Variants in SPECC1 observed in about 807,000 individuals in gnomAD.
The protein encoded by SPECC1 is cytospin-B.
In SPECC1, 62 loss-of-function variants were observed where a neutral mutation model predicts 104.1. The observed-to-expected ratio is 0.60, with a 90% CI of 0.49 to 0.74. The LOEUF is 0.74. SPECC1 is among the 30% of genes least tolerant of loss of function. The probability of loss-of-function intolerance (pLI) is 0.00; values close to 1 mark genes in which losing one functional copy is unlikely to be tolerated. For missense variants in SPECC1, 1,306 were observed against 1,310.5 expected, an observed-to-expected ratio of 1.00 and a Z score of 0.05; for synonymous variants, 513 against 501.6, an observed-to-expected ratio of 1.02 and a Z score of -0.30.
At chr17:20,180,974 C>T (rs1343834249) in intron 3 of SPECC1, among the ~76,000 whole-genome samples, 1 of 142,316 alleles carries the variant, frequency 7.0e-6, no homozygotes, top group Non-Finnish European at 1.5e-5. Flanking sequence ...AATAACCTGT[C>T]CTGTCAGTCC....
At chr17:20,209,054 T>C (rs898756346) in intron 4 of SPECC1, among the ~76,000 whole-genome samples, 1 of 152,202 alleles carries the variant, frequency 6.6e-6, no homozygotes, top group African/African-American at 2.4e-5. Flanking sequence ...AGTTTTTTTC[T>C]CCTCTAACTT....
At chr17:20,129,708 C>A (rs1030012074) in intron 3 of SPECC1, among the ~76,000 whole-genome samples, 6 of 150,208 alleles carry the variant, frequency 4.0e-5, no homozygotes, top group African/African-American at 1.2e-4. Context: ...TGTCAAAATT[C>A]TTTGCCTAGA....
chr17:20,028,260 C>G (rs2044675330), intron 1 of SPECC1, among the ~76,000 whole-genome samples: 1 of 119,596 alleles, frequency 8.4e-6, no homozygotes, highest in African/African-American at 3.2e-5. Context: ...GATGGAGGGT[C>G]CAACTTCATT....
At chr17:20,155,770 G>T in intron 3 of SPECC1, 1 of 329,740 alleles carries the variant, frequency 3.0e-6, no homozygotes. Flanking sequence ...CCTACCTTGT[G>T]CAGCTGCGGT....
intron 14 of SPECC1, among the ~76,000 whole-genome samples, chr17:20,313,741 G>A (rs186749884): frequency 6.6e-6 from 1 of 152,326 alleles, no homozygotes; most frequent in Admixed American, 6.5e-5. Context: ...AAAGATAAAA[G>A]CAGTGGGAGG....
chr17:20,021,300 C>T (rs1364176233), intron 1 of SPECC1, among the ~76,000 whole-genome samples: 1 of 152,018 alleles, frequency 6.6e-6, no homozygotes, highest in East Asian at 1.9e-4. Flanking sequence ...TTGTGTGCAT[C>T]TATTTTTAAT....
At chr17:20,311,581 C>T (rs1464113544) in intron 14 of SPECC1, among the ~76,000 whole-genome samples, 2 of 152,006 alleles carry the variant, frequency 1.3e-5, no homozygotes, top group Non-Finnish European at 2.9e-5. Flanking sequence ...TTAGTAGAGA[C>T]GGAGTTTCAA....
intron 4 of SPECC1, among the ~76,000 whole-genome samples, chr17:20,220,949 C>G (rs2151429823): frequency 6.6e-6 from 1 of 152,090 alleles, no homozygotes; most frequent in Non-Finnish European, 1.5e-5. Flanking sequence ...ATGGTTTTTA[C>G]CTTTCATTTG....
intron 13 of SPECC1, among the ~76,000 whole-genome samples, chr17:20,302,055 C>T (rs1204311899): frequency 2.0e-5 from 3 of 152,144 alleles, no homozygotes; most frequent in Non-Finnish European, 2.9e-5. Context: ...TTCACTTGTC[C>T]GCCTTTGCAA....
At chr17:20,092,179 T>A (rs1348387223) in intron 1 of SPECC1, among the ~76,000 whole-genome samples, 1 of 151,906 alleles carries the variant, frequency 6.6e-6, no homozygotes, top group Non-Finnish European at 1.5e-5. Flanking sequence ...TTTGACAAAT[T>A]TAAAGAAAAC....
chr17:20,193,420 C>A (rs949328168), intron 3 of SPECC1, among the ~76,000 whole-genome samples: 1 of 152,128 alleles, frequency 6.6e-6, no homozygotes, highest in African/African-American at 2.4e-5. Flanking sequence ...TCTGACATTT[C>A]CCCCCTCCCT....
chr17:20,085,050 C>T (rs948616203), intron 1 of SPECC1, among the ~76,000 whole-genome samples: 4 of 152,230 alleles, frequency 2.6e-5, no homozygotes, highest in African/African-American at 9.6e-5. Context: ...AGCAGGAGTT[C>T]AGGCTGGGAA....
At chr17:20,172,520 C>T (rs2034166367) in intron 3 of SPECC1, among the ~76,000 whole-genome samples, 1 of 152,154 alleles carries the variant, frequency 6.6e-6, no homozygotes, top group Non-Finnish European at 1.5e-5. Flanking sequence ...AGAATAAACC[C>T]CAGGGCTTGG....
At chr17:20,252,560 G>C (rs907058765) in intron 9 of SPECC1, among the ~76,000 whole-genome samples, 1 of 152,096 alleles carries the variant, frequency 6.6e-6, no homozygotes, top group African/African-American at 2.4e-5. Context: ...CCACTCCACT[G>C]TCTGCTTCTG....
At chr17:20,131,099 T>C (rs933297605) in intron 3 of SPECC1, among the ~76,000 whole-genome samples, 4 of 152,338 alleles carry the variant, frequency 2.6e-5, no homozygotes, top group Non-Finnish European at 1.5e-5. Context: ...CTAAAGTCGC[T>C]TATTAGTTCT....
chr17:20,135,264 G>A (rs956941235), intron 3 of SPECC1, among the ~76,000 whole-genome samples: 4 of 152,192 alleles, frequency 2.6e-5, no homozygotes, highest in African/African-American at 7.2e-5. Flanking sequence ...CAGAGTAGAA[G>A]TGTGTACTCT....
chr17:20,144,959 A>G (rs1263204942), intron 3 of SPECC1, among the ~76,000 whole-genome samples: 1 of 152,194 alleles, frequency 6.6e-6, no homozygotes, highest in Non-Finnish European at 1.5e-5. Context: ...TAGCAAGGTT[A>G]TTCATATTTA....
intron 13 of SPECC1, among the ~76,000 whole-genome samples, chr17:20,304,479 A>T (rs1413162706): frequency 6.6e-6 from 1 of 152,218 alleles, no homozygotes; most frequent in Non-Finnish European, 1.5e-5. Context: ...GAGAATAGCC[A>T]GGAAGAGTCC....
chr17:20,152,640 C>A (rs1436761061), intron 3 of SPECC1, among the ~76,000 whole-genome samples: 1 of 152,098 alleles, frequency 6.6e-6, no homozygotes, highest in East Asian at 1.9e-4. Context: ...AGAGAAAGAT[C>A]TCTTCCTCTT....
Sources: allele counts gnomAD v4.1 joint callset (sites outside exome capture counted in the v4.1 genomes callset), GRCh38; gene constraint gnomAD v4.1.1; transcripts MANE v1.5; gene names NCBI Gene and HGNC (gene_info 2026-07-23, HGNC 2026-07-21).